Variants in SGCD observed in about 807,000 individuals in gnomAD.
The protein encoded by SGCD is sarcoglycan delta.
SGCD carries 18 observed loss-of-function variants against 36.6 expected under a neutral mutation model. The ratio of observed to expected loss-of-function variants is 0.49; its 90% confidence interval spans 0.34 to 0.73. The LOEUF (loss-of-function observed/expected upper bound fraction) is 0.73. Ranked by LOEUF, SGCD falls within the 30% of genes least tolerant of loss-of-function variation. SGCD has a pLI of 0.01. For synonymous variants in SGCD, 133 were observed against 130.6 expected (o/e 1.02, Z -0.12); for missense variants, 387 against 346.7 (o/e 1.12, Z -0.92).
rs372022461 is a variant in SGCD, at chr5:156,068,572, G to T, written c.-281-49306G>T. 1.7e-4 allele frequency among the ~76,000 whole-genome samples: 26 copies of T among 151,782 alleles called. 1 individual carries two copies. In the East Asian group the frequency reaches 4.6e-3, roughly 27 times the overall value. Reference sequence around the variant, plus strand: ...AGTCTTTGCTATTGTGAATAGTGCCGCAGTATACATATGTGTGCATGTGCC... The same window carrying T: ...AGTCTTTGCTATTGTGAATAGTGCCTCAGTATACATATGTGTGCATGTGCC... On this transcript the variant is annotated intron_variant, in intron 1 of 9. Coordinates refer to the SGCD transcript ENST00000517913.
At chr5:156,200,264 A>G (rs1764113225) in intron 3 of SGCD, among the ~76,000 whole-genome samples, 1 of 152,056 alleles carries the variant, frequency 6.6e-6, no homozygotes, top group Non-Finnish European at 1.5e-5. Flanking sequence ...GCTTCAATAC[A>G]TACTGCAAAA....
At chr5:156,039,206 C>A (rs1265577419) in intron 1 of SGCD, among the ~76,000 whole-genome samples, 1 of 147,666 alleles carries the variant, frequency 6.8e-6, no homozygotes, top group African/African-American at 2.7e-5. Context: ...ATACCCTATG[C>A]CTCTCTAGTG....
intron 3 of SGCD, among the ~76,000 whole-genome samples, chr5:156,401,040 A>G (rs1193307291): frequency 6.6e-6 from 1 of 152,236 alleles, no homozygotes; most frequent in African/African-American, 2.4e-5. Flanking sequence ...CAGATAATAT[A>G]CAAAATATAA....
intron 1 of SGCD, among the ~76,000 whole-genome samples, chr5:155,977,949 C>G (rs1758151648): frequency 6.6e-6 from 1 of 152,048 alleles, no homozygotes; most frequent in Non-Finnish European, 1.5e-5. Flanking sequence ...AAAAAACTAG[C>G]TGGACGTGGT....
chr5:156,648,042 T>C (rs1238324280), intron 7 of SGCD, among the ~76,000 whole-genome samples: 1 of 152,104 alleles, frequency 6.6e-6, no homozygotes, highest in Non-Finnish European at 1.5e-5. Context: ...AGGATGACTC[T>C]GAGATGCTAT....
the SGCD span, among the ~76,000 whole-genome samples, chr5:155,807,917 A>G: frequency 2.0e-5 from 3 of 152,252 alleles, no homozygotes; most frequent in Non-Finnish European, 4.4e-5. Flanking sequence ...AAGATAAATA[A>G]TTAGAAAAAG....
At chr5:156,716,383 C>G (rs1486133957) in intron 7 of SGCD, among the ~76,000 whole-genome samples, 3 of 152,206 alleles carry the variant, frequency 2.0e-5, no homozygotes, top group African/African-American at 7.2e-5. Flanking sequence ...TTCCACTGCA[C>G]ATTTTCTGCT....
intron 3 of SGCD, among the ~76,000 whole-genome samples, chr5:156,350,146 A>G (rs1769164066): frequency 6.6e-6 from 1 of 151,002 alleles, no homozygotes; most frequent in Admixed American, 6.6e-5. Context: ...AGTATACAGT[A>G]CTCGGTGGTG....
intron 3 of SGCD, among the ~76,000 whole-genome samples, chr5:156,321,021 T>C (rs1405440649): frequency 6.6e-6 from 1 of 152,254 alleles, no homozygotes; most frequent in Non-Finnish European, 1.5e-5. Flanking sequence ...AGTTTAAGTC[T>C]AACTCAACTG....
chr5:155,763,545 C>T, the SGCD span, among the ~76,000 whole-genome samples: 2 of 151,964 alleles, frequency 1.3e-5, no homozygotes, highest in Non-Finnish European at 2.9e-5. Flanking sequence ...GGATGGGCCA[C>T]GTTCAAGAGA....
At chr5:156,648,248 A>G (rs1260468282) in intron 7 of SGCD, among the ~76,000 whole-genome samples, 2 of 136,062 alleles carry the variant, frequency 1.5e-5, no homozygotes, top group Non-Finnish European at 1.5e-5. Flanking sequence ...ACTGTGATGA[A>G]TTCAGTGAAT....
intron 6 of SGCD, among the ~76,000 whole-genome samples, chr5:156,609,421 G>T (rs1329994402): frequency 6.6e-6 from 1 of 152,210 alleles, no homozygotes; most frequent in Non-Finnish European, 1.5e-5. Flanking sequence ...TCGGCTGTTA[G>T]TCTGATGGGC....
intron 1 of SGCD, among the ~76,000 whole-genome samples, chr5:155,939,392 G>A (rs1191243820): frequency 1.3e-5 from 2 of 151,978 alleles, no homozygotes; most frequent in Non-Finnish European, 2.9e-5. Context: ...TGTAATCCCA[G>A]CACTTTGGGA....
the SGCD span, among the ~76,000 whole-genome samples, chr5:155,772,211 C>T: frequency 6.6e-5 from 10 of 152,142 alleles, no homozygotes; most frequent in Non-Finnish European, 1.5e-4. Context: ...TTCACTCTCA[C>T]ATATAAGGAG....
chr5:155,863,475 A>G, the SGCD span, among the ~76,000 whole-genome samples: 1 of 151,934 alleles, frequency 6.6e-6, no homozygotes, highest in Admixed American at 6.6e-5. Flanking sequence ...TTCAGGTTTA[A>G]CTGGAAGATG....
chr5:156,219,816 G>A (rs917805297), intron 3 of SGCD, among the ~76,000 whole-genome samples: 2 of 152,280 alleles, frequency 1.3e-5, no homozygotes, highest in South Asian at 2.1e-4. Flanking sequence ...CTTCTGTGTA[G>A]CATTCAAAGT....
At chr5:156,510,386 A>G (rs1017407150) in intron 4 of SGCD, among the ~76,000 whole-genome samples, 2 of 152,204 alleles carry the variant, frequency 1.3e-5, no homozygotes, top group African/African-American at 4.8e-5. Context: ...CATTTAAAAA[A>G]TATCTGTTAT....
chr5:156,202,600 A>G (rs1236784747), intron 3 of SGCD, among the ~76,000 whole-genome samples: 1 of 152,100 alleles, frequency 6.6e-6, no homozygotes, highest in Non-Finnish European at 1.5e-5. Context: ...TTTAGAGAAA[A>G]GTTATTGGTT....
chr5:156,510,305 A>G (rs1756874846), intron 4 of SGCD, among the ~76,000 whole-genome samples: 1 of 152,212 alleles, frequency 6.6e-6, no homozygotes, highest in African/African-American at 2.4e-5. Flanking sequence ...TAGAAGGAGT[A>G]ATGAGGTGAC....
Sources: gnomAD v4.1 joint callset for allele counts (sites outside exome capture counted in the v4.1 genomes callset) on GRCh38, gnomAD v4.1.1 for gene constraint, MANE v1.5 for transcripts, NCBI Gene and HGNC (gene_info 2026-07-23, HGNC 2026-07-21) for gene names.